CFAP52: variants seen among roughly 807,000 people sequenced by gnomAD.
CFAP52 encodes cilia- and flagella-associated protein 52.
CFAP52 carries 57 observed loss-of-function variants against 70.5 expected under a neutral mutation model. The observed-to-expected ratio is 0.81, with a 90% CI of 0.65 to 1.01. The LOEUF (loss-of-function observed/expected upper bound fraction) is 1.01. Among genes scored for constraint, CFAP52 ranks in the 50% least tolerant of loss-of-function variants. The pLI is 0.00. For missense variants in CFAP52, 785 were observed against 788.5 expected, an observed-to-expected ratio of 1.00 and a Z score of 0.05; for synonymous variants, 267 against 292.5, an observed-to-expected ratio of 0.91 and a Z score of 0.89.
At chr17:9,635,358 C>T (rs1910725233) in intron 10 of CFAP52, 47 bp from the exon 11 acceptor site, 1 of 1,608,570 alleles carries the variant, frequency 6.2e-7, no homozygotes, top group Non-Finnish European at 8.5e-7. Context: ...CCTATCCCTT[C>T]AGAAGTCCCA....
intron 11 of CFAP52, among the ~76,000 whole-genome samples, 173 bp from the exon 12 acceptor site, chr17:9,638,436 C>A (rs1016742077): frequency 6.6e-6 from 1 of 152,132 alleles, no homozygotes; most frequent in Non-Finnish European, 1.5e-5. Flanking sequence ...GACAGGGTGA[C>A]CTGAAGTCTG....
downstream of CFAP52, among the ~76,000 whole-genome samples, chr17:9,644,350 C>A (rs1345176377): frequency 6.6e-6 from 1 of 152,174 alleles, no homozygotes; most frequent in South Asian, 2.1e-4. Flanking sequence ...GGTGATCCGC[C>A]CGTCTCGGCC....
intron 1 of CFAP52, among the ~76,000 whole-genome samples, chr17:9,585,143 G>A (rs776969514): frequency 6.6e-6 from 1 of 152,094 alleles, no homozygotes; most frequent in Non-Finnish European, 1.5e-5. Flanking sequence ...TTAGGATTAC[G>A]AGAATTGGCC....
chr17:9,602,685 C>T (rs180742518), intron 6 of CFAP52, among the ~76,000 whole-genome samples: 6 of 152,286 alleles, frequency 3.9e-5, no homozygotes, highest in Non-Finnish European at 7.3e-5. Flanking sequence ...CTTGAGGAAT[C>T]ACCACACTGT....
At chr17:9,642,967 G>A in intron 13 of CFAP52, 56 bp from the exon 14 acceptor site, 1 of 1,398,392 alleles carries the variant, frequency 7.2e-7, no homozygotes, top group South Asian at 1.8e-5. Flanking sequence ...TTGAAATCAG[G>A]GCTGTTTCTC....
intron 1 of CFAP52, among the ~76,000 whole-genome samples, chr17:9,584,964 T>G (rs1286513701): frequency 6.6e-6 from 1 of 152,188 alleles, no homozygotes; most frequent in Non-Finnish European, 1.5e-5. Context: ...AAGGAAATCA[T>G]GCCATTTGTA....
intron 3 of CFAP52, among the ~76,000 whole-genome samples, chr17:9,591,030 C>CTTTTTTTT (rs34888799): frequency 4.0e-4 from 31 of 76,772 alleles, no homozygotes; most frequent in African/African-American, 4.4e-4. Flanking sequence ...TTGCATGCAT[C>CTTTTTTTT]TTTTTTTTTT....
At chr17:9,640,208 T>C (rs1461908335) in intron 12 of CFAP52, among the ~76,000 whole-genome samples, 1 of 151,626 alleles carries the variant, frequency 6.6e-6, no homozygotes, top group Non-Finnish European at 1.5e-5. Context: ...GCACTCCTGA[T>C]TCCTGGTCAA....
intron 8 of CFAP52, among the ~76,000 whole-genome samples, chr17:9,616,279 C>A (rs1157096543): frequency 7.0e-6 from 1 of 141,858 alleles, no homozygotes; most frequent in Non-Finnish European, 1.5e-5. Context: ...CCGAATATTG[C>A]GCTTTTCAGA....
intron 3 of CFAP52, among the ~76,000 whole-genome samples, chr17:9,590,852 C>G (rs1223276476): frequency 1.3e-5 from 2 of 151,940 alleles, no homozygotes; most frequent in South Asian, 2.1e-4. Context: ...ATGCCCATCC[C>G]TGGATAGTCT....
At chr17:9,596,937 C>T (rs1250590958) in intron 4 of CFAP52, among the ~76,000 whole-genome samples, 2 of 152,036 alleles carry the variant, frequency 1.3e-5, no homozygotes, top group African/African-American at 4.8e-5. Context: ...AGGCTGGTCT[C>T]GAACTCCTGA....
intron 4 of CFAP52, among the ~76,000 whole-genome samples, chr17:9,597,925 A>C (rs1361370996): frequency 1.3e-5 from 2 of 152,134 alleles, no homozygotes; most frequent in Non-Finnish European, 2.9e-5. Flanking sequence ...TGCTCTGCCC[A>C]TGTTCCCTGC....
At chr17:9,592,625 C>T (rs144847536) in intron 3 of CFAP52, among the ~76,000 whole-genome samples, 1 of 152,192 alleles carries the variant, frequency 6.6e-6, no homozygotes, top group African/African-American at 2.4e-5. Context: ...AATATGTGGT[C>T]TTTTGTGACT....
chr17:9,598,277 AT>A lies in CFAP52; in HGVS notation c.581del (p.Ile194ThrfsTer11). ...GGAATTGGATCTTCCAAATAGAAAA[AT>A]CTGGCCAACTGAGTGCCAAACAGGA... ...VWELDLPNRK[I>X]WPTECQTGQL... On this transcript the variant is annotated frameshift_variant, in exon 5 of 14. Coordinates refer to ENST00000352665, the MANE Select transcript of CFAP52 (RefSeq NM_145054.5). LOFTEE classifies it high-confidence loss of function. 1 of 1,613,464 alleles carries A rather than the reference AT, an allele frequency of 6.2e-7. No homozygotes were observed. Among genetic ancestry groups the A allele is most frequent in the South Asian group, 1.1e-5 (1 of 91,062 alleles).
intron 2 of CFAP52, among the ~76,000 whole-genome samples, chr17:9,586,207 C>T (rs1908467737): frequency 1.3e-5 from 2 of 152,042 alleles, no homozygotes; most frequent in Admixed American, 1.3e-4. Flanking sequence ...CAAAAGTTCC[C>T]GCTTAAAGCT....
At chr17:9,579,100 G>A (rs548276682) in intron 1 of CFAP52, among the ~76,000 whole-genome samples, 3 of 152,166 alleles carry the variant, frequency 2.0e-5, no homozygotes, top group African/African-American at 4.8e-5. Flanking sequence ...GTGGGGCAGC[G>A]TGGGGATTGG....
Position 9,585,257 on chromosome 17 carries a change from A to G in CFAP52, c.71-516A>G, listed in dbSNP as rs539725507. On this transcript the variant is annotated intron_variant, in intron 1 of 13. Coordinates refer to ENST00000352665, the MANE Select transcript of CFAP52 (RefSeq NM_145054.5). ...AAATCAGAATCTGCATTTTAACAGG[A>G]TCCCTCAGGGATTTTTATAAACATC... is the stretch of plus-strand genomic sequence containing the variant. 3.3e-5 allele frequency among the ~76,000 whole-genome samples: 5 copies of G among 152,322 alleles called. 1 individual carries two copies. The highest frequency in any genetic ancestry group is 1.9e-4 in the East Asian group (1 of 5,184).
intron 6 of CFAP52, among the ~76,000 whole-genome samples, chr17:9,604,802 TAAAA>T (rs1222370210): frequency 5.4e-5 from 7 of 130,184 alleles, no homozygotes; most frequent in African/African-American, 1.4e-4. Flanking sequence ...AATAAATAAA[TAAAA>T]GAAGATATAC....
At chr17:9,601,179 A>C (rs994443298) in intron 6 of CFAP52, among the ~76,000 whole-genome samples, 1 of 148,402 alleles carries the variant, frequency 6.7e-6, no homozygotes, top group Non-Finnish European at 1.5e-5. Context: ...ACCAAACACC[A>C]CATTTTCTTA....
Sources: allele counts gnomAD v4.1 joint callset (sites outside exome capture counted in the v4.1 genomes callset), GRCh38; gene constraint gnomAD v4.1.1; transcripts MANE v1.5; gene names NCBI Gene and HGNC (gene_info 2026-07-23, HGNC 2026-07-21).